The following ZNF227 variants were observed in gnomAD, a reference collection of about 807,000 sequenced individuals.
The protein encoded by ZNF227 is zinc finger protein 227.
ZNF227 carries 12 observed loss-of-function variants against 13.2 expected under a neutral mutation model. The observed-to-expected ratio is 0.91, with a 90% CI of 0.58 to 1.47. ZNF227 has a LOEUF of 1.47. Among genes scored for constraint, ZNF227 ranks in the 40% most tolerant of loss-of-function variants. The pLI is 0.00. For missense variants in ZNF227, 885 were observed against 967.5 expected, an observed-to-expected ratio of 0.91 and a Z score of 1.13; for synonymous variants, 338 against 326.0, an observed-to-expected ratio of 1.04 and a Z score of -0.40.
chr19:44,214,669 C>T (rs182453803), intron 2 of ZNF227, among the ~76,000 whole-genome samples: 13 of 152,272 alleles, frequency 8.5e-5, no homozygotes, highest in African/African-American at 2.9e-4. Context: ...TGAGCCACTG[C>T]GCCCAGCCGA....
At position 44,235,603 on chromosome 19, in the gene ZNF227, G is replaced by C. The variant is rs1974371827; in HGVS notation, c.1173G>C (p.Trp391Cys). 1.2e-6 allele frequency: 2 copies of C among 1,613,914 alleles called. No homozygotes were observed. The highest frequency in any genetic ancestry group is 4.5e-5 in the East Asian group (2 of 44,854). ...KCEECGKGFG[W>C]SVNLRVHQRV... Reference sequence around the variant, plus strand: ...AAGAGTGTGGTAAGGGCTTCGGTTGGAGTGTTAATCTCCGTGTTCACCAGA... The same window carrying C: ...AAGAGTGTGGTAAGGGCTTCGGTTGCAGTGTTAATCTCCGTGTTCACCAGA... Residue 391 changes from tryptophan to cysteine, a missense_variant, in exon 6 of 6, where the codon TGG (tryptophan) becomes TGC (cysteine). By Grantham distance (215) the Trp-to-Cys change is radical. Transcript: ENST00000313040.
intron 3 of ZNF227, among the ~76,000 whole-genome samples, chr19:44,218,442 T>C (rs1568595526): frequency 6.6e-6 from 1 of 152,254 alleles, no homozygotes; most frequent in Non-Finnish European, 1.5e-5. Context: ...CTCAGTTTCA[T>C]GTCAGTTCCC....
At chr19:44,229,888 G>T (rs1973606761) in intron 5 of ZNF227, 72 bp downstream of exon 5, 1 of 1,077,286 alleles carries the variant, frequency 9.3e-7, no homozygotes, top group African/African-American at 1.6e-5. Flanking sequence ...CCATGTCCAT[G>T]ACCTCCCTGG....
At chr19:44,209,800 A>T (rs941074012), upstream of ZNF227, among the ~76,000 whole-genome samples, 1 of 152,036 alleles carries the variant, frequency 6.6e-6, no homozygotes, top group Non-Finnish European at 1.5e-5. Flanking sequence ...GTTAGCCAGG[A>T]TGGTTTCGAT....
At chr19:44,221,331 C>T (rs892442019) in intron 3 of ZNF227, among the ~76,000 whole-genome samples, 4 of 152,066 alleles carry the variant, frequency 2.6e-5, no homozygotes, top group Admixed American at 6.6e-5. Context: ...CCTGAGGAAT[C>T]GCCACACTGA....
chr19:44,230,937 A>ATCTATATCTATATCTATATC (rs1568609990), intron 5 of ZNF227, among the ~76,000 whole-genome samples: 11 of 136,438 alleles, frequency 8.1e-5, no homozygotes, highest in African/African-American at 2.9e-4. Flanking sequence ...ATATATATAT[A>ATCTATATCTATATCTATATC]TATATATATA....
rs889085191 is a variant in ZNF227 at position 44,236,201 on chromosome 19, C to T, written c.1771C>T (p.Leu591Phe). 6.2e-7 allele frequency: 1 copy of T among 1,614,132 alleles called. No homozygotes were observed. Among genetic ancestry groups the T allele is most frequent in the Non-Finnish European group, 8.5e-7 (1 of 1,180,044 alleles). ...CGKGFSWRSN[L>F]HAHQRVHSGE... is the part of the protein sequence containing the mutation. The stretch of plus-strand genomic sequence containing the variant: ...GAAGGGCTTCAGTTGGAGATCAAAT[C>T]TTCATGCACATCAAAGAGTTCACTC... The change falls in exon 6 of 6, where the codon CTT becomes TTT. Residue 591 changes from leucine to phenylalanine, a missense_variant. Physicochemically the swap from Leu to Phe is conservative, Grantham distance 22. Coordinates refer to ENST00000313040, the MANE Select transcript of ZNF227 (RefSeq NM_182490.3).
At position 44,232,849 on chromosome 19, in the gene ZNF227, G is replaced by C. The variant is rs565507074; in HGVS notation, c.272-1853G>C. ...GGCTAATTGTTTTTTTAGTTTTTTA[G>C]CGGAGACGGGGTTTCACCATGTTGT... is the stretch of plus-strand genomic sequence containing the variant. On this transcript the variant is annotated intron_variant, in intron 5 of 5. Coordinates refer to ENST00000313040, the MANE Select transcript of ZNF227 (RefSeq NM_182490.3). Among the ~76,000 whole-genome samples, 51 of 152,034 alleles carry C rather than the reference G, an allele frequency of 3.4e-4. No homozygotes were observed. In the South Asian group the frequency reaches 0.01, roughly 31 times the overall value.
In ZNF227 at chr19:44,226,860, C is replaced by T. The variant is rs1484095238; in HGVS notation, c.61-1586C>T. On this transcript the variant is annotated intron_variant, in intron 3 of 5. Coordinates refer to ENST00000313040, the MANE Select transcript of ZNF227 (RefSeq NM_182490.3). ...TGGAAATGCAGAAATCACCCGTCTT[C>T]TGCATTGCTCATGCTGGGAGCTGTA... is the stretch of plus-strand genomic sequence containing the variant. 5.3e-5 allele frequency among the ~76,000 whole-genome samples: 8 copies of T among 152,318 alleles called. No homozygotes were observed. The South Asian group carries it at 1.5e-3, about 28-fold the overall frequency.
At chr19:44,233,034 T>C (rs898918167) in intron 5 of ZNF227, among the ~76,000 whole-genome samples, 7 of 152,012 alleles carry the variant, frequency 4.6e-5, no homozygotes, top group African/African-American at 1.7e-4. Context: ...GCTGTGGACA[T>C]CTCTTGGGGG....
chr19:44,217,963 A>G (rs1972072239), intron 3 of ZNF227, 111 bp downstream of exon 3: 1 of 1,223,378 alleles, frequency 8.2e-7, no homozygotes, highest in African/African-American at 1.5e-5. Context: ...TATTCAGGAC[A>G]TGTGGTATGC....
chr19:44,234,002 G>A lies in ZNF227; in HGVS notation c.272-700G>A, dbSNP rs953975187. 1.5e-4 allele frequency among the ~76,000 whole-genome samples: 23 copies of A among 152,204 alleles called. 1 individual carries two copies. The highest frequency in any genetic ancestry group is 3.2e-3 in the Middle Eastern group (1 of 316). ...TGTAACATGTGAGCAGAGACCTGAA[G>A]GGAGCGAGAGAACAAGCAAGGCTCC... On this transcript the variant is annotated intron_variant, in intron 5 of 5. Coordinates refer to ENST00000313040, the MANE Select transcript of ZNF227 (RefSeq NM_182490.3).
rs1972054531 is a variant in ZNF227, at chr19:44,217,825, G to C, written c.33G>C (p.Lys11Asn). Reference sequence around the variant, plus strand: ...CTCAGAACTATGACCTTCCCCAGAAGAAGCAGGAGAAAATGACCAAGTTTC... The same window carrying C: ...CTCAGAACTATGACCTTCCCCAGAACAAGCAGGAGAAAATGACCAAGTTTC... MPSQNYDLPQ[K>N]KQEKMTKFQE... The change falls in exon 3 of 6, where the codon AAG (lysine) becomes AAC (asparagine). Residue 11 changes from lysine (K) to asparagine (N), a missense_variant. By Grantham distance (94) the Lys-to-Asn change is moderately conservative (BLOSUM62 0). Transcript: ENST00000313040. 6.2e-7 allele frequency: 1 copy of C among 1,614,110 alleles called. No homozygotes were observed.
At chr19:44,207,731 C>G (rs1006029597), upstream of ZNF227, 1 of 152,362 alleles carries the variant, frequency 6.6e-6, no homozygotes, top group South Asian at 2.1e-4. Flanking sequence ...TCTTTCCTCT[C>G]GGCTGAGCCT....
intron 5 of ZNF227, among the ~76,000 whole-genome samples, chr19:44,232,406 G>A (rs1226811653): frequency 6.6e-6 from 1 of 152,226 alleles, no homozygotes; most frequent in African/African-American, 2.4e-5. Context: ...CTCTGACCAA[G>A]TAGCTACAAA....
chr19:44,233,360 G>GT, intron 5 of ZNF227, among the ~76,000 whole-genome samples: 1 of 151,968 alleles, frequency 6.6e-6, no homozygotes, highest in South Asian at 2.1e-4. Context: ...GTCTTATTCT[G>GT]TTTTTTGTTT....
chr19:44,235,008 A>G lies in ZNF227; in HGVS notation c.578A>G (p.Lys193Arg), dbSNP rs1318426340. ...LSESQIQSRG[K>R]QIDVKNNLQI... is the part of the protein sequence containing the mutation. ...GAGTCACAGATTCAGAGTAGAGGTA[A>G]GCAAATTGATGTGAAAAATAACCTG... The change falls in exon 6 of 6, where the codon AAG (lysine) becomes AGG (arginine). Residue 193 changes from lysine (K) to arginine (R), a missense_variant. By Grantham distance (26) the Lys-to-Arg change is conservative (BLOSUM62 2). Coordinates refer to ENST00000313040, the MANE Select transcript of ZNF227 (RefSeq NM_182490.3). 6.2e-7 allele frequency: 1 copy of G among 1,614,210 alleles called. No homozygotes were observed. Among genetic ancestry groups the G allele is most frequent in the Admixed American group, 1.7e-5 (1 of 60,026 alleles).
upstream of ZNF227, among the ~76,000 whole-genome samples, chr19:44,209,408 A>G (rs1971288025): frequency 6.6e-6 from 1 of 152,224 alleles, no homozygotes; most frequent in Non-Finnish European, 1.5e-5. Context: ...ATGAATGAAG[A>G]GCAAAGGAAA....
chr19:44,209,779 G>A (rs1309796683), upstream of ZNF227, among the ~76,000 whole-genome samples: 1 of 152,030 alleles, frequency 6.6e-6, no homozygotes, highest in Non-Finnish European at 1.5e-5. Flanking sequence ...GTAGAGACGG[G>A]GTTTCACCGT....
Sources: allele counts gnomAD v4.1 joint callset (sites outside exome capture counted in the v4.1 genomes callset), GRCh38; gene constraint gnomAD v4.1.1; transcripts MANE v1.5; gene names NCBI Gene and HGNC (gene_info 2026-07-23, HGNC 2026-07-21).